Variants in ERBB4 observed in about 807,000 individuals in gnomAD.
ERBB4 encodes the protein erb-b2 receptor tyrosine kinase 4.
Under a neutral mutation model 158.0 loss-of-function variants are expected in ERBB4, and 42 were observed. The ratio of observed to expected loss-of-function variants is 0.27; its 90% CI spans 0.21 to 0.34. The LOEUF (loss-of-function observed/expected upper bound fraction) is 0.34, where lower values mean the gene tolerates loss of function less well. ERBB4 is among the 10% of genes least tolerant of loss of function. The pLI, the probability that ERBB4 is intolerant of heterozygous loss-of-function variation, is 1.00. For missense variants in ERBB4, 1,333 were observed against 1,624.1 expected (o/e 0.82, Z 3.08); for synonymous variants, 583 against 558.7 (o/e 1.04, Z -0.61).
At chr2:212,482,640 C>G (rs534289289) in intron 1 of ERBB4, among the ~76,000 whole-genome samples, 1 of 152,116 alleles carries the variant, frequency 6.6e-6, no homozygotes, top group East Asian at 1.9e-4. Flanking sequence ...TTTTCTGAGA[C>G]GAAGACTTGC....
intron 20 of ERBB4, among the ~76,000 whole-genome samples, chr2:211,468,838 T>TAAC (rs5838267): frequency 0.79 from 118,725 of 150,054 alleles, 46,965 homozygotes; most frequent in South Asian, 0.85. Flanking sequence ...TGCAGAAGAA[T>TAAC]AACAACAACA....
intron 19 of ERBB4, among the ~76,000 whole-genome samples, chr2:211,600,580 G>A (rs2068769200): frequency 6.6e-6 from 1 of 152,078 alleles, no homozygotes; most frequent in East Asian, 1.9e-4. Context: ...CTTATAAATT[G>A]CTATTAAACT....
At position 211,630,564 on chromosome 2, in the gene ERBB4, A is replaced by G; in HGVS notation, c.1977T>C (p.Gly659=). 1 of 1,613,782 alleles carries G rather than the reference A, an allele frequency of 6.2e-7. No individual in the cohort carries two copies. Among genetic ancestry groups the G allele is most frequent in the Non-Finnish European group, 8.5e-7 (1 of 1,179,882 alleles). The change falls in exon 17 of 28, where the codon GGT becomes GGC. Residue 659 remains glycine, a synonymous_variant. Transcript: ENST00000342788. The stretch of plus-strand genomic sequence containing the variant: ...CCACAATGACCAGAATGAAGAGCCC[A>G]CCAATTACTCCAGCTGCAATCAGGG... ...RTPLIAAGVI[G]GLFILVIVGL... is the part of the protein sequence containing the mutation.
chr2:211,736,030 GTGTGCACC>G (rs1395484478), intron 5 of ERBB4, among the ~76,000 whole-genome samples: 1 of 151,914 alleles, frequency 6.6e-6, no homozygotes, highest in Non-Finnish European at 1.5e-5. Flanking sequence ...AGGCATGGTG[GTGTGCACC>G]TGTAGTCCTA....
At chr2:211,637,196 T>C (rs2070394051) in intron 16 of ERBB4, among the ~76,000 whole-genome samples, 1 of 151,914 alleles carries the variant, frequency 6.6e-6, no homozygotes, top group African/African-American at 2.4e-5. Context: ...AGGACAAATG[T>C]ATGCTCAGGG....
intron 1 of ERBB4, among the ~76,000 whole-genome samples, chr2:212,508,712 C>T (rs1458366638): frequency 6.6e-6 from 1 of 151,972 alleles, no homozygotes; most frequent in Admixed American, 6.6e-5. Flanking sequence ...GGTAATTATC[C>T]TAATTTCAGC....
In ERBB4 at chr2:211,386,990, A is replaced by T. The variant is rs2062698621; in HGVS notation, c.3344T>A (p.Val1115Glu). 2 of 1,614,124 alleles carry T rather than the reference A, an allele frequency of 1.2e-6. No individual in the cohort carries two copies. Among genetic ancestry groups the T allele is most frequent in the Middle Eastern group, 1.7e-4 (1 of 6,060 alleles). ...SCCNGTLRKP[V>E]APHVQEDSST... ...ACTGTCCTCTTGGACATGGGGTGCC[A>T]CTGGCTTGCGTAGGGTGCCATTACA... The change falls in exon 27 of 28, where the codon GTG becomes GAG. Residue 1115 changes from valine to glutamate, a missense_variant. Physicochemically the swap from Val to Glu is moderately radical, Grantham distance 121. Coordinates refer to ENST00000342788, the MANE Select transcript of ERBB4 (RefSeq NM_005235.3).
intron 1 of ERBB4, among the ~76,000 whole-genome samples, chr2:212,282,302 T>A (rs578105770): frequency 6.6e-6 from 1 of 152,044 alleles, no homozygotes; most frequent in Non-Finnish European, 1.5e-5. Flanking sequence ...ACAAAGTGAC[T>A]TGGCAACAGA....
At chr2:212,202,747 A>G (rs1281790877) in intron 1 of ERBB4, among the ~76,000 whole-genome samples, 1 of 152,202 alleles carries the variant, frequency 6.6e-6, no homozygotes, top group African/African-American at 2.4e-5. Context: ...CCAAAGAAAT[A>G]AAACTTCAAT....
chr2:212,091,642 G>A (rs957948345), intron 2 of ERBB4, among the ~76,000 whole-genome samples: 5 of 151,974 alleles, frequency 3.3e-5, no homozygotes, highest in Non-Finnish European at 7.4e-5. Flanking sequence ...ACAAAAAATT[G>A]GCTAAAGTTC....
intron 25 of ERBB4, among the ~76,000 whole-genome samples, chr2:211,403,457 C>CA (rs1209145428): frequency 6.6e-6 from 1 of 152,094 alleles, no homozygotes; most frequent in African/African-American, 2.4e-5. Context: ...GTCCAGCACT[C>CA]AGAGTGTTCA....
intron 2 of ERBB4, among the ~76,000 whole-genome samples, chr2:212,004,652 A>G (rs1417606399): frequency 6.6e-6 from 1 of 152,208 alleles, no homozygotes; most frequent in South Asian, 2.1e-4. Context: ...AAAGAAAAAA[A>G]CCCATCATCT....
intron 1 of ERBB4, among the ~76,000 whole-genome samples, chr2:212,320,800 C>T (rs891535066): frequency 6.7e-6 from 1 of 150,086 alleles, no homozygotes; most frequent in Admixed American, 6.7e-5. Flanking sequence ...ATATAACCTC[C>T]CCGTGTTGTT....
chr2:211,549,173 T>C (rs1036233022), intron 20 of ERBB4, among the ~76,000 whole-genome samples: 3 of 151,888 alleles, frequency 2.0e-5, no homozygotes, highest in African/African-American at 7.2e-5. Context: ...GTGGAAAGGG[T>C]TTTTGTACTG....
intron 20 of ERBB4, among the ~76,000 whole-genome samples, chr2:211,433,164 G>T (rs1158322860): frequency 6.6e-6 from 1 of 152,192 alleles, no homozygotes; most frequent in African/African-American, 2.4e-5. Flanking sequence ...ACAGTGGTGA[G>T]CAGTGAAACT....
chr2:212,292,948 G>C (rs1363559449), intron 1 of ERBB4, among the ~76,000 whole-genome samples: 1 of 151,886 alleles, frequency 6.6e-6, no homozygotes, highest in African/African-American at 2.4e-5. Context: ...ATGGTCCCAA[G>C]GACTCTTATT....
chr2:212,168,924 A>C (rs1338133106), intron 1 of ERBB4, among the ~76,000 whole-genome samples: 2 of 152,180 alleles, frequency 1.3e-5, no homozygotes, highest in African/African-American at 4.8e-5. Flanking sequence ...AGAAGTACCT[A>C]AAGATTTTAG....
At chr2:212,285,544 C>T (rs1367559394) in intron 1 of ERBB4, among the ~76,000 whole-genome samples, 2 of 151,978 alleles carry the variant, frequency 1.3e-5, no homozygotes, top group East Asian at 3.9e-4. Context: ...GGTGGTAAGC[C>T]AGTTATTTGA....
chr2:212,268,788 A>C (rs2085241612), intron 1 of ERBB4, among the ~76,000 whole-genome samples: 1 of 151,852 alleles, frequency 6.6e-6, no homozygotes. Context: ...TAGTTTGCCA[A>C]ATCCTGCTCT....
Sources: allele counts gnomAD v4.1 joint callset (sites outside exome capture counted in the v4.1 genomes callset), GRCh38; gene constraint gnomAD v4.1.1; transcripts MANE v1.5; gene names NCBI Gene and HGNC (gene_info 2026-07-23, HGNC 2026-07-21).